The following MATCAP1 variants were observed in gnomAD, a reference collection of about 807,000 sequenced individuals.
The protein encoded by MATCAP1 is microtubule-associated tyrosine carboxypeptidase 1.
the MATCAP1 span, chr16:67,176,967 A>G: frequency 1.9e-6 from 3 of 1,554,624 alleles, no homozygotes; most frequent in Non-Finnish European, 2.6e-6. The surrounding 1 kb of genome is among the most constrained non-coding windows in gnomAD (Gnocchi z 4.3). Context: ...CCACATCCTC[A>G]TAGGACACCT....
the MATCAP1 span, chr16:67,179,801 G>A: frequency 2.5e-6 from 4 of 1,613,808 alleles, no homozygotes; most frequent in African/African-American, 2.7e-5. The surrounding 1 kb of genome is among the most constrained non-coding windows in gnomAD (Gnocchi z 5.2). Context: ...GAAGGGCTCT[G>A]CAGGCAAGCT....
At chr16:67,178,313 G>A in the MATCAP1 span, 2 of 1,582,314 alleles carry the variant, frequency 1.3e-6, no homozygotes, top group Non-Finnish European at 1.7e-6. Context: ...AAGGACATGC[G>A]CGCGGCGCGG....
At chr16:67,181,195 TAGGTG>T in the MATCAP1 span, among the ~76,000 whole-genome samples, 1 of 152,178 alleles carries the variant, frequency 6.6e-6, no homozygotes, top group Non-Finnish European at 1.5e-5. Context: ...GCAGATTAGG[TAGGTG>T]AGAAGACCTC....
chr16:67,176,913 G>A, the MATCAP1 span: 1 of 1,609,138 alleles, frequency 6.2e-7, no homozygotes, highest in African/African-American at 1.3e-5. The surrounding 1 kb of genome is among the most constrained non-coding windows in gnomAD (Gnocchi z 4.3). Flanking sequence ...GCATGAAGTG[G>A]GGCACCCGGG....
At chr16:67,176,827 C>A in the MATCAP1 span, 29 of 1,595,040 alleles carry the variant, frequency 1.8e-5, no homozygotes, top group Non-Finnish European at 2.4e-5. This position sits in a 1 kb window ranked among gnomAD's most constrained non-coding sequence, Gnocchi z 4.3. Flanking sequence ...GGGTAGCAGG[C>A]GACCCAGCTC....
At chr16:67,178,796 A>C in the MATCAP1 span, 1 of 662,960 alleles carries the variant, frequency 1.5e-6, no homozygotes, top group East Asian at 3.0e-5. Context: ...AACTCTCCCA[A>C]ACTGACATTG....
the MATCAP1 span, chr16:67,176,563 A>T: frequency 1.7e-3 from 699 of 403,916 alleles, 1 homozygote; most frequent in Non-Finnish European, 2.5e-3. The surrounding 1 kb of genome is among the most constrained non-coding windows in gnomAD (Gnocchi z 4.3). Flanking sequence ...CCTCTGCTCA[A>T]CAGAGAGCTG....
chr16:67,178,105 A>C, the MATCAP1 span: 16 of 1,612,878 alleles, frequency 9.9e-6, no homozygotes, highest in South Asian at 5.5e-5. Context: ...TTGCTGAAAC[A>C]ACCTGGGAGG....
the MATCAP1 span, chr16:67,178,366 T>C: frequency 6.4e-7 from 1 of 1,564,492 alleles, no homozygotes; most frequent in Non-Finnish European, 8.7e-7. Context: ...CAGGAACGGC[T>C]GCTTGCGGAA....
the MATCAP1 span, chr16:67,179,187 G>C: frequency 3.7e-6 from 5 of 1,341,786 alleles, no homozygotes; most frequent in East Asian, 1.2e-4. The surrounding 1 kb of genome is among the most constrained non-coding windows in gnomAD (Gnocchi z 5.2). Context: ...AGGAAGTGGA[G>C]AGAGAAAAAT....
the MATCAP1 span, chr16:67,178,599 T>C: frequency 9.2e-7 from 1 of 1,083,812 alleles, no homozygotes; most frequent in Non-Finnish European, 1.4e-6. Context: ...GCCGGGGCTC[T>C]GGCCGCGACA....
the MATCAP1 span, chr16:67,180,594 CCT>C: frequency 7.9e-6 from 12 of 1,519,860 alleles, no homozygotes; most frequent in African/African-American, 1.4e-5. Flanking sequence ...CGCCTGAGCC[CCT>C]GAGTCCAGCA....
chr16:67,176,583 G>C, the MATCAP1 span: 1 of 424,934 alleles, frequency 2.4e-6, no homozygotes, highest in Non-Finnish European at 4.2e-6. This position sits in a 1 kb window ranked among gnomAD's most constrained non-coding sequence, Gnocchi z 4.3. Context: ...GGAGGCAGGA[G>C]GGCGACTCAG....
At chr16:67,182,657 A>T in the MATCAP1 span, among the ~76,000 whole-genome samples, 1 of 152,240 alleles carries the variant, frequency 6.6e-6, no homozygotes, top group African/African-American at 2.4e-5. Context: ...CATCACTTGA[A>T]TGTTTAATAG....
At chr16:67,177,327 T>C in the MATCAP1 span, among the ~76,000 whole-genome samples, 2 of 152,170 alleles carry the variant, frequency 1.3e-5, no homozygotes, top group Admixed American at 1.3e-4. Flanking sequence ...AGTGCCAGCT[T>C]ATGCCAGCTC....
the MATCAP1 span, among the ~76,000 whole-genome samples, chr16:67,182,536 A>G: frequency 2.6e-5 from 4 of 152,218 alleles, no homozygotes; most frequent in African/African-American, 7.2e-5. Flanking sequence ...GATACTGTCT[A>G]TTTGCCCAGG....
chr16:67,182,491 T>C, the MATCAP1 span, among the ~76,000 whole-genome samples: 1 of 152,202 alleles, frequency 6.6e-6, no homozygotes, highest in African/African-American at 2.4e-5. Flanking sequence ...TTCCATAAAC[T>C]TTAGACCAGT....
the MATCAP1 span, chr16:67,176,662 G>T: frequency 1.4e-6 from 1 of 701,084 alleles, no homozygotes; most frequent in Admixed American, 3.3e-5. The surrounding 1 kb of genome is among the most constrained non-coding windows in gnomAD (Gnocchi z 4.3). Context: ...ACACTTTGAT[G>T]TTGCCACTCC....
the MATCAP1 span, chr16:67,180,435 G>A: frequency 6.2e-7 from 1 of 1,611,748 alleles, no homozygotes; most frequent in South Asian, 1.1e-5. Context: ...CTCAGGCTGG[G>A]GCTGCAGCGC....
Sources: allele counts gnomAD v4.1 joint callset (sites outside exome capture counted in the v4.1 genomes callset), GRCh38; gene constraint gnomAD v4.1.1; non-coding constraint Gnocchi (gnomAD v3.1); transcripts MANE v1.5; gene names NCBI Gene and HGNC (gene_info 2026-07-23, HGNC 2026-07-21).